Variants in GAS7 observed in about 807,000 individuals in gnomAD.
GAS7 encodes growth arrest specific 7.
Under a neutral mutation model 71.1 loss-of-function variants are expected in GAS7, and 28 were observed. The ratio of observed to expected loss-of-function variants is 0.39; its 90% CI spans 0.29 to 0.54. The LOEUF (loss-of-function observed/expected upper bound fraction) is 0.54. Ranked by LOEUF, GAS7 falls within the 20% of genes least tolerant of loss-of-function variation. The pLI, the probability that GAS7 is intolerant of heterozygous loss-of-function variation, is 0.62. For synonymous variants in GAS7, 258 were observed against 245.8 expected, an observed-to-expected ratio of 1.05 and a Z score of -0.46; for missense variants, 436 against 627.8, an observed-to-expected ratio of 0.69 and a Z score of 3.27.
chr17:9,938,511 CCTCT>C (rs368648434), intron 8 of GAS7, among the ~76,000 whole-genome samples: 2 of 147,528 alleles, frequency 1.4e-5, no homozygotes, highest in Admixed American at 6.8e-5. Flanking sequence ...CACAGAGCTC[CCTCT>C]CTCTCTCTCT....
At chr17:10,141,060 C>T (rs1242548007) in intron 1 of GAS7, among the ~76,000 whole-genome samples, 2 of 152,222 alleles carry the variant, frequency 1.3e-5, no homozygotes, top group East Asian at 1.9e-4. Context: ...CTTCTGGGGA[C>T]CCAGGGAAGT....
chr17:10,020,537 A>G (rs2072226206), intron 1 of GAS7, among the ~76,000 whole-genome samples: 1 of 152,246 alleles, frequency 6.6e-6, no homozygotes, highest in Admixed American at 6.5e-5. Flanking sequence ...GTATAGAATT[A>G]CTTTTCGTTA....
At chr17:10,081,401 G>A (rs1301739305) in intron 1 of GAS7, among the ~76,000 whole-genome samples, 2 of 152,106 alleles carry the variant, frequency 1.3e-5, no homozygotes, top group South Asian at 2.1e-4. Context: ...TGATCCACCC[G>A]CCTCGGCCTC....
chr17:10,118,889 G>A (rs751420797), intron 1 of GAS7, among the ~76,000 whole-genome samples: 7 of 151,974 alleles, frequency 4.6e-5, no homozygotes, highest in Non-Finnish European at 7.4e-5. Context: ...CCAGCACAAC[G>A]TACACATGCC....
Position 10,103,835 on chromosome 17 carries a change from CAA to C in GAS7, c.184-83940_184-83939del, listed in dbSNP as rs776629494. Among the ~76,000 whole-genome samples, 10 of 122,092 alleles carry C rather than the reference CAA, an allele frequency of 8.2e-5. No individual in the cohort carries two copies. Among genetic ancestry groups the C allele is most frequent in the Admixed American group, 8.4e-5 (1 of 11,866 alleles). 80.1% of individuals were successfully genotyped at this position (122,092 alleles called of 152,430 possible). On this transcript the variant is annotated intron_variant, in intron 1 of 13. Coordinates refer to ENST00000432992, the MANE Select transcript of GAS7 (RefSeq NM_201433.2). This position sits in a 1 kb window ranked among gnomAD's most constrained non-coding sequence, Gnocchi z 5.5. ...AGCAAGACTGCATCTCAAAAAATCTCAAAAAAAAAAAAAAAGAAGCAAACCCA... is the reference window on the plus strand; with the variant it reads ...AGCAAGACTGCATCTCAAAAAATCTCAAAAAAAAAAAAAGAAGCAAACCCA...
intron 1 of GAS7, among the ~76,000 whole-genome samples, chr17:10,028,036 A>G (rs990597239): frequency 1.4e-4 from 21 of 152,080 alleles, no homozygotes; most frequent in Non-Finnish European, 7.4e-5. Flanking sequence ...GGCATGCACC[A>G]CCACACCCAG....
At position 10,103,065 on chromosome 17, in the gene GAS7, AC is replaced by A. The variant is rs1309086420; in HGVS notation, c.184-83169del. On this transcript the variant is annotated intron_variant, in intron 1 of 13. Transcript: ENST00000432992. The surrounding 1 kb of genome is among the most constrained non-coding windows in gnomAD (Gnocchi z 5.5). Reference sequence around the variant, plus strand: ...AAATGCAGAATCTGCATTTTAACAAACCCTGACCGGACGTAGTGGCTCACAC... The same window carrying A: ...AAATGCAGAATCTGCATTTTAACAAACCTGACCGGACGTAGTGGCTCACAC... Among the ~76,000 whole-genome samples, 3 of 152,138 alleles carry A rather than the reference AC, an allele frequency of 2.0e-5. No homozygotes were observed. The highest frequency in any genetic ancestry group is 4.4e-5 in the Non-Finnish European group (3 of 68,030).
rs1383242589 is a variant in GAS7, at chr17:10,198,219, G to T, written c.172C>A (p.Gln58Lys). 6.2e-7 allele frequency: 1 copy of T among 1,607,942 alleles called. No homozygotes were observed. The highest frequency in any genetic ancestry group is 8.5e-7 in the Non-Finnish European group (1 of 1,179,326). ...LRGWFPASYVQLLEKPGMVPP... is the reference protein window; with the variant it reads ...LRGWFPASYVKLLEKPGMVPP... Reference sequence around the variant, plus strand: ...CCCTCGCCCCTTACCTCCAGCAACTGCACGTAGCTCGCCGGGAACCAGCCA... The same window carrying T: ...CCCTCGCCCCTTACCTCCAGCAACTTCACGTAGCTCGCCGGGAACCAGCCA... Residue 58 changes from glutamine (Q) to lysine (K), a missense_variant, in exon 1 of 14, where the codon CAG becomes AAG. Transcript: ENST00000432992.
At chr17:10,066,646 A>AT (rs939915160) in intron 1 of GAS7, among the ~76,000 whole-genome samples, 32 of 152,200 alleles carry the variant, frequency 2.1e-4, no homozygotes, top group African/African-American at 7.2e-5. Context: ...TACAAGGTCA[A>AT]TTTTTTTAAA....
chr17:10,086,522 A>G (rs2073521570), intron 1 of GAS7, among the ~76,000 whole-genome samples: 1 of 152,206 alleles, frequency 6.6e-6, no homozygotes, highest in African/African-American at 2.4e-5. Flanking sequence ...AATCGGCAGA[A>G]AGAATGGTGA....
At position 9,975,785 on chromosome 17, in the gene GAS7, A is replaced by C. The variant is rs563879320; in HGVS notation, c.385+6019T>G. ...TATGCTGACATGCGCTTGAAATCTC[A>C]AACAAGGCAACAGCATGCAGCATCC... is the stretch of plus-strand genomic sequence containing the variant. On this transcript the variant is annotated intron_variant, in intron 3 of 13. Coordinates refer to ENST00000432992, the MANE Select transcript of GAS7 (RefSeq NM_201433.2). Among the ~76,000 whole-genome samples the C allele has an allele frequency of 1.4e-4, 22 of 152,292 alleles. No individual in the cohort carries two copies. The South Asian group carries it at 4.6e-3, about 32-fold the overall frequency.
chr17:10,027,758 C>T (rs143350219), intron 1 of GAS7, among the ~76,000 whole-genome samples: 15 of 152,354 alleles, frequency 9.8e-5, no homozygotes, highest in Non-Finnish European at 1.9e-4. Context: ...TTGAGCTAGG[C>T]ATCGTGGCTT....
chr17:9,957,691 C>G (rs2069302476), intron 5 of GAS7, among the ~76,000 whole-genome samples: 1 of 151,704 alleles, frequency 6.6e-6, no homozygotes, highest in Non-Finnish European at 1.5e-5. Flanking sequence ...GGACTGTACC[C>G]TCTGGAACTC....
At chr17:9,947,039 AG>A in intron 5 of GAS7, 56 bp from the exon 6 acceptor site, 1 of 1,221,284 alleles carries the variant, frequency 8.2e-7, no homozygotes, top group Admixed American at 1.7e-5. Flanking sequence ...ATAGCGAGGA[AG>A]GCTTCGGCTC....
At chr17:9,955,563 A>C (rs1006870126) in intron 5 of GAS7, among the ~76,000 whole-genome samples, 1 of 152,212 alleles carries the variant, frequency 6.6e-6, no homozygotes, top group Non-Finnish European at 1.5e-5. Flanking sequence ...ATGCAAGATC[A>C]CACAGTTTGT....
intron 1 of GAS7, chr17:10,036,397 G>C: frequency 1.3e-6 from 2 of 1,496,108 alleles, no homozygotes. Flanking sequence ...AAGCAAACTG[G>C]AGCATACATC....
intron 2 of GAS7, among the ~76,000 whole-genome samples, chr17:10,014,459 G>A (rs909728572): frequency 6.6e-6 from 1 of 152,150 alleles, no homozygotes; most frequent in African/African-American, 2.4e-5. Context: ...GCTGCCTACA[G>A]GATAAAGACC....
At chr17:9,990,898 A>G (rs748468423) in intron 2 of GAS7, among the ~76,000 whole-genome samples, 27 of 152,178 alleles carry the variant, frequency 1.8e-4, no homozygotes, top group Non-Finnish European at 2.5e-4. Context: ...TGGCGCTGGC[A>G]TCTTACAGAC....
chr17:10,172,695 A>G (rs189170859), intron 1 of GAS7, among the ~76,000 whole-genome samples: 1 of 152,322 alleles, frequency 6.6e-6, no homozygotes, highest in African/African-American at 2.4e-5. Flanking sequence ...AAGGCAGGGA[A>G]TTTTACACCC....
Sources: allele counts gnomAD v4.1 joint callset (sites outside exome capture counted in the v4.1 genomes callset), GRCh38; gene constraint gnomAD v4.1.1; non-coding constraint Gnocchi (gnomAD v3.1); transcripts MANE v1.5; gene names NCBI Gene and HGNC (gene_info 2026-07-23, HGNC 2026-07-21).